Variants in PLCL1 observed in about 807,000 individuals in gnomAD.
PLCL1 encodes the protein inactive phospholipase C-like protein 1.
PLCL1 carries 41 observed loss-of-function variants against 84.4 expected under a neutral mutation model. The ratio of observed to expected loss-of-function variants is 0.49; its 90% CI spans 0.38 to 0.63. PLCL1 has a LOEUF of 0.63. Ranked by LOEUF, PLCL1 falls within the 30% of genes least tolerant of loss-of-function variation. The pLI is 0.00. For missense variants in PLCL1, 1,206 were observed against 1,367.8 expected (o/e 0.88, Z 1.87); for synonymous variants, 490 against 488.3 (o/e 1.00, Z -0.05).
rs7582816 is a variant in PLCL1 at position 197,812,293 on chromosome 2, A to G, written c.240+6954A>G. On this transcript the variant is annotated intron_variant, in intron 1 of 5. Transcript: ENST00000428675. ...ACAAGTGCATGTGTCTTTTTGGTAGAGCGCTGTTGGATATATACCCAGTTG... is the reference window on the plus strand; with the variant it reads ...ACAAGTGCATGTGTCTTTTTGGTAGGGCGCTGTTGGATATATACCCAGTTG... Among the ~76,000 whole-genome samples, 621 of 152,238 alleles carry G rather than the reference A, an allele frequency of 4.1e-3. 3 individuals carry two copies. The highest frequency in any genetic ancestry group is 0.014 in the African/African-American group (583 of 41,544).
At chr2:197,994,964 A>G (rs1690427919) in intron 1 of PLCL1, among the ~76,000 whole-genome samples, 1 of 152,168 alleles carries the variant, frequency 6.6e-6, no homozygotes, top group South Asian at 2.1e-4. Context: ...GGATTAAGTG[A>G]TTAAGCTGTC....
intron 1 of PLCL1, among the ~76,000 whole-genome samples, chr2:198,019,337 A>T (rs1191404832): frequency 6.6e-6 from 1 of 152,196 alleles, no homozygotes; most frequent in East Asian, 1.9e-4. Flanking sequence ...CTTCCAAAGG[A>T]TTACAACTCC....
At chr2:197,956,414 A>G (rs1323513926) in intron 1 of PLCL1, among the ~76,000 whole-genome samples, 3 of 152,170 alleles carry the variant, frequency 2.0e-5, no homozygotes, top group African/African-American at 7.2e-5. Flanking sequence ...ACAATGATTT[A>G]TGATCTTTTG....
chr2:197,846,691 A>G (rs1415952596), intron 1 of PLCL1, among the ~76,000 whole-genome samples: 2 of 152,122 alleles, frequency 1.3e-5, no homozygotes, highest in African/African-American at 4.8e-5. Flanking sequence ...GTGCCCAGTA[A>G]TTTACAAAAT....
chr2:197,905,932 A>G (rs924916837), intron 1 of PLCL1, among the ~76,000 whole-genome samples: 2 of 151,962 alleles, frequency 1.3e-5, no homozygotes, highest in African/African-American at 4.8e-5. Context: ...TTTCTTGTAA[A>G]TTTGTTTAAG....
At chr2:198,093,671 C>T (rs577025637) in intron 3 of PLCL1, among the ~76,000 whole-genome samples, 14 of 149,676 alleles carry the variant, frequency 9.4e-5, no homozygotes, top group African/African-American at 3.4e-4. Context: ...TGTGTAGATG[C>T]CATCCAAGAG....
intron 1 of PLCL1, among the ~76,000 whole-genome samples, chr2:198,017,222 A>G (rs1274376421): frequency 2.0e-5 from 3 of 152,222 alleles, no homozygotes; most frequent in Non-Finnish European, 2.9e-5. Context: ...TTCACAAAGA[A>G]CAATAGACAT....
chr2:197,852,272 C>G (rs1182286130), intron 1 of PLCL1, among the ~76,000 whole-genome samples: 2 of 152,202 alleles, frequency 1.3e-5, no homozygotes, highest in African/African-American at 4.8e-5. Flanking sequence ...GGAGATGGCA[C>G]TGCTGTGTGC....
At chr2:197,891,489 G>A (rs936034336) in intron 1 of PLCL1, among the ~76,000 whole-genome samples, 2 of 152,136 alleles carry the variant, frequency 1.3e-5, no homozygotes, top group Non-Finnish European at 2.9e-5. Context: ...ACAGACATTG[G>A]GCGTGTGAAG....
intron 1 of PLCL1, among the ~76,000 whole-genome samples, chr2:198,067,655 T>C (rs1692353490): frequency 6.6e-6 from 1 of 152,182 alleles, no homozygotes; most frequent in South Asian, 2.1e-4. Flanking sequence ...GGAAAAAAAT[T>C]TCACCAGGAC....
chr2:198,039,951 A>G (rs1164865350), intron 1 of PLCL1, among the ~76,000 whole-genome samples: 2 of 152,204 alleles, frequency 1.3e-5, no homozygotes, highest in Non-Finnish European at 2.9e-5. Context: ...GGGCAAACAT[A>G]TGTCTTAACC....
intron 1 of PLCL1, among the ~76,000 whole-genome samples, chr2:198,051,788 G>A (rs1691937881): frequency 6.6e-6 from 1 of 152,130 alleles, no homozygotes; most frequent in South Asian, 2.1e-4. Context: ...AGGCTGGAGT[G>A]CAGTGGCGCG....
At chr2:198,134,665 A>G (rs1351489509) in intron 5 of PLCL1, among the ~76,000 whole-genome samples, 1 of 152,186 alleles carries the variant, frequency 6.6e-6, no homozygotes, top group Non-Finnish European at 1.5e-5. Context: ...TAAAGAATAA[A>G]TGTCCTTGGT....
intron 1 of PLCL1, among the ~76,000 whole-genome samples, chr2:197,890,284 T>C (rs141118683): frequency 6.6e-6 from 1 of 152,202 alleles, no homozygotes; most frequent in African/African-American, 2.4e-5. Context: ...TTTAAGGCTA[T>C]TTAAATATTC....
intron 1 of PLCL1, among the ~76,000 whole-genome samples, chr2:197,937,622 A>G (rs1275533367): frequency 6.6e-6 from 1 of 152,228 alleles, no homozygotes; most frequent in Admixed American, 6.5e-5. Flanking sequence ...CACCAAGCAC[A>G]CTATAATGTT....
chr2:197,943,605 A>G (rs536260830), intron 1 of PLCL1, among the ~76,000 whole-genome samples: 105 of 138,690 alleles, frequency 7.6e-4, no homozygotes, highest in Non-Finnish European at 1.3e-3. Context: ...ATAATTGATT[A>G]TGTCTAAATT....
chr2:197,860,683 A>G (rs950492537), intron 1 of PLCL1, among the ~76,000 whole-genome samples: 3 of 152,092 alleles, frequency 2.0e-5, no homozygotes, highest in African/African-American at 7.2e-5. Context: ...CTCTTTTGAA[A>G]AGTGTCTGTT....
intron 1 of PLCL1, among the ~76,000 whole-genome samples, chr2:197,960,012 G>A (rs544481970): frequency 6.6e-6 from 1 of 152,218 alleles, no homozygotes; most frequent in South Asian, 2.1e-4. Context: ...TAGGATTTCT[G>A]TAACACAGTG....
At chr2:197,878,155 G>A (rs1015783033) in intron 1 of PLCL1, among the ~76,000 whole-genome samples, 1 of 152,146 alleles carries the variant, frequency 6.6e-6, no homozygotes, top group African/African-American at 2.4e-5. Context: ...TTGTTGAGAT[G>A]CAAAACTTTT....
Sources: allele counts gnomAD v4.1 joint callset (sites outside exome capture counted in the v4.1 genomes callset), GRCh38; gene constraint gnomAD v4.1.1; transcripts MANE v1.5; gene names NCBI Gene and HGNC (gene_info 2026-07-23, HGNC 2026-07-21).